CCDC88C: variants seen among roughly 807,000 people sequenced by gnomAD.
CCDC88C encodes the protein coiled-coil and HOOK domain protein 88C.
In CCDC88C, 131 loss-of-function variants were observed where a neutral mutation model predicts 198.8. That is an observed-to-expected ratio of 0.66 (90% CI 0.57 to 0.76). The LOEUF (loss-of-function observed/expected upper bound fraction) is 0.76, where lower values mean the gene tolerates loss of function less well. Among genes scored for constraint, CCDC88C ranks in the 30% least tolerant of loss-of-function variants. The probability of loss-of-function intolerance (pLI) is 0.00; values close to 1 mark genes in which losing one functional copy is unlikely to be tolerated. For missense variants in CCDC88C, 2,553 were observed against 2,631.6 expected, an observed-to-expected ratio of 0.97 and a Z score of 0.65; for synonymous variants, 1,166 against 1,114.7, an observed-to-expected ratio of 1.05 and a Z score of -0.92.
At chr14:91,366,405 G>C (rs1894540566) in intron 3 of CCDC88C, among the ~76,000 whole-genome samples, 1 of 152,148 alleles carries the variant, frequency 6.6e-6, no homozygotes, top group African/African-American at 2.4e-5. Flanking sequence ...AGAATTGCTT[G>C]AACCCGGGAC....
intron 18 of CCDC88C, 62 bp from the exon 19 acceptor site, chr14:91,305,988 G>C: frequency 6.4e-7 from 1 of 1,552,914 alleles, no homozygotes; most frequent in East Asian, 2.3e-5. Flanking sequence ...ACTGGCCACA[G>C]GTACTTGGGT....
chr14:91,311,790 T>C (rs1891838645), intron 15 of CCDC88C, among the ~76,000 whole-genome samples: 1 of 152,188 alleles, frequency 6.6e-6, no homozygotes, highest in African/African-American at 2.4e-5. Flanking sequence ...GAGGATTTTA[T>C]ATCCCTCAAG....
chr14:91,342,150 GTTTTT>G (rs767323273), intron 6 of CCDC88C: 1 of 348,866 alleles, frequency 2.9e-6, no homozygotes, highest in Admixed American at 4.5e-5. Flanking sequence ...TGATTGAGGT[GTTTTT>G]TTTTTTTAAT....
chr14:91,417,646 G>A lies in CCDC88C; in HGVS notation c.45C>T (p.Ser15=). 1.9e-6 allele frequency: 3 copies of A among 1,591,380 alleles called. No homozygotes were observed. Among genetic ancestry groups the A allele is most frequent in the Non-Finnish European group, 2.6e-6 (3 of 1,171,414 alleles). ...VSELLELFLQ[S]PLVTWVKTFG... ...GCGCACTCACCCAGGTCACCAGCGG[G>A]CTCTGCAGGAAGAGCTCCAGGAGCT... is the stretch of plus-strand genomic sequence containing the variant. The change falls in exon 1 of 30, where the codon AGC becomes AGT. Residue 15 remains serine (S), a synonymous_variant. Transcript: ENST00000389857.
intron 10 of CCDC88C, among the ~76,000 whole-genome samples, chr14:91,334,800 T>C (rs900127040): frequency 6.6e-6 from 1 of 152,168 alleles, no homozygotes; most frequent in Admixed American, 6.5e-5. Flanking sequence ...CCCAGGCATC[T>C]GCCACCGGGG....
chr14:91,365,426 G>C (rs186000589), intron 3 of CCDC88C, among the ~76,000 whole-genome samples: 10 of 152,354 alleles, frequency 6.6e-5, no homozygotes, highest in African/African-American at 2.4e-4. Context: ...CCTGGGGCTT[G>C]TAGATGAAGC....
At chr14:91,343,448 G>A in intron 5 of CCDC88C, 151 bp downstream of exon 5, 2 of 1,395,176 alleles carry the variant, frequency 1.4e-6, no homozygotes, top group Non-Finnish European at 1.9e-6. Context: ...TAAAACAATG[G>A]CCACTCTCTT....
chr14:91,396,465 C>T (rs964813164), intron 3 of CCDC88C, among the ~76,000 whole-genome samples: 2 of 152,184 alleles, frequency 1.3e-5, no homozygotes, highest in Admixed American at 6.5e-5. Context: ...CCTTCATTCA[C>T]GCCCGCATCA....
intron 3 of CCDC88C, among the ~76,000 whole-genome samples, chr14:91,372,641 C>A (rs572690475): frequency 2.0e-5 from 3 of 151,952 alleles, no homozygotes; most frequent in East Asian, 1.9e-4. Context: ...TACAGTCCCA[C>A]GATGAAGGAC....
At chr14:91,276,242 G>A (rs999349371) in intron 29 of CCDC88C, among the ~76,000 whole-genome samples, 1 of 152,230 alleles carries the variant, frequency 6.6e-6, no homozygotes, top group Non-Finnish European at 1.5e-5. Flanking sequence ...TCAGGGGATG[G>A]GTTCTGTGGT....
chr14:91,272,234 A>C lies in CCDC88C; in HGVS notation c.*391T>G. Reference sequence around the variant, plus strand: ...TGACCCGCCAGGCCTGAGCCTCGTAAGCCTGTTGTGTGAGTGTGTGTGTGC... The same window carrying C: ...TGACCCGCCAGGCCTGAGCCTCGTACGCCTGTTGTGTGAGTGTGTGTGTGC... On this transcript the variant is annotated 3_prime_UTR_variant, in exon 30 of 30. Coordinates refer to ENST00000389857, the MANE Select transcript of CCDC88C (RefSeq NM_001080414.4). The C allele has an allele frequency of 5.7e-6, 1 of 174,092 alleles. No homozygotes were observed. Among genetic ancestry groups the C allele is most frequent in the Non-Finnish European group, 1.2e-5 (1 of 81,714 alleles). The allele number at this position is 174,092 out of a possible 1,614,324, so 10.8% of individuals were successfully genotyped here.
At chr14:91,359,160 CTTTTTTT>C (rs950112450) in intron 4 of CCDC88C, among the ~76,000 whole-genome samples, 56 of 108,664 alleles carry the variant, frequency 5.2e-4, no homozygotes, top group African/African-American at 1.8e-3. Flanking sequence ...AGGCTTCATT[CTTTTTTT>C]TTTTTTTTTT....
At chr14:91,324,055 A>G (rs1277762245) in intron 12 of CCDC88C, among the ~76,000 whole-genome samples, 1 of 152,054 alleles carries the variant, frequency 6.6e-6, no homozygotes, top group East Asian at 1.9e-4. Flanking sequence ...AGTCTAAGTA[A>G]CTATGAACTT....
chr14:91,402,145 G>A (rs911663978), intron 3 of CCDC88C, among the ~76,000 whole-genome samples: 27 of 151,944 alleles, frequency 1.8e-4, no homozygotes, highest in Non-Finnish European at 3.4e-4. Flanking sequence ...ACGTGGTGGC[G>A]CACACCTGTG....
intron 22 of CCDC88C, among the ~76,000 whole-genome samples, chr14:91,294,691 G>A (rs1408676920): frequency 6.6e-6 from 1 of 152,208 alleles, no homozygotes; most frequent in Admixed American, 6.5e-5. Flanking sequence ...TTTTGCTCTT[G>A]TTGCCCAGGC....
At chr14:91,408,893 G>A in intron 2 of CCDC88C, 126 bp from the exon 3 acceptor site, 1 of 665,882 alleles carries the variant, frequency 1.5e-6, no homozygotes, top group Non-Finnish European at 2.7e-6. Flanking sequence ...TGTGGCAGTT[G>A]TGGTTCAAGT....
chr14:91,364,307 C>T (rs1175843608), intron 3 of CCDC88C, among the ~76,000 whole-genome samples: 4 of 152,214 alleles, frequency 2.6e-5, no homozygotes, highest in Non-Finnish European at 5.9e-5. Context: ...CCCACTTCTC[C>T]TTTAGGTTTG....
Position 91,315,722 on chromosome 14 carries a change from A to G in CCDC88C, c.1593T>C (p.Ser531=). The G allele has an allele frequency of 6.2e-7, 1 of 1,613,642 alleles. No homozygotes were observed. Among genetic ancestry groups the G allele is most frequent in the Non-Finnish European group, 8.5e-7 (1 of 1,179,786 alleles). Residue 531 remains serine (S), a synonymous_variant, in exon 14 of 30, where the codon AGT becomes AGC. Coordinates refer to ENST00000389857, the MANE Select transcript of CCDC88C (RefSeq NM_001080414.4). ...GCTCCTTCTCTCTGATCAGCTCCTCACTGAGGGTCTCCAGATCTTGGTTGC... is the reference window on the plus strand; with the variant it reads ...GCTCCTTCTCTCTGATCAGCTCCTCGCTGAGGGTCTCCAGATCTTGGTTGC... ...KQSNQDLETL[S]EELIREKEQL... is the part of the protein sequence containing the mutation.
intron 10 of CCDC88C, among the ~76,000 whole-genome samples, chr14:91,330,522 C>T (rs1892778253): frequency 6.6e-6 from 1 of 152,118 alleles, no homozygotes; most frequent in African/African-American, 2.4e-5. Flanking sequence ...AGCGAGGATG[C>T]CAGTGAGGCT....
Sources: allele counts gnomAD v4.1 joint callset (sites outside exome capture counted in the v4.1 genomes callset), GRCh38; gene constraint gnomAD v4.1.1; transcripts MANE v1.5; gene names NCBI Gene and HGNC (gene_info 2026-07-23, HGNC 2026-07-21).